ERG: variants seen among roughly 807,000 people sequenced by gnomAD.
ERG encodes ETS transcription factor ERG.
ERG carries 9 observed loss-of-function variants against 55.3 expected under a neutral mutation model. The ratio of observed to expected loss-of-function variants is 0.16; its 90% confidence interval spans 0.10 to 0.28. The LOEUF (loss-of-function observed/expected upper bound fraction) is 0.28, where lower values mean the gene tolerates loss of function less well. ERG is among the 10% of genes least tolerant of loss of function. The pLI is 1.00. For synonymous variants in ERG, 223 were observed against 237.3 expected (o/e 0.94, Z 0.55); for missense variants, 434 against 631.6 (o/e 0.69, Z 3.35).
At chr21:38,444,581 C>G (rs930487223) in intron 2 of ERG, among the ~76,000 whole-genome samples, 1 of 152,062 alleles carries the variant, frequency 6.6e-6, no homozygotes, top group Non-Finnish European at 1.5e-5. Context: ...CAAAACTACA[C>G]AGAATTCAAC....
At chr21:38,547,380 T>C (rs1397195928) in intron 2 of ERG, among the ~76,000 whole-genome samples, 1 of 152,186 alleles carries the variant, frequency 6.6e-6, no homozygotes, top group East Asian at 1.9e-4. Context: ...TGTTTGACCA[T>C]ATGGATATTT....
At chr21:38,407,094 C>T (rs760443649) in intron 3 of ERG, among the ~76,000 whole-genome samples, 13 of 152,124 alleles carry the variant, frequency 8.5e-5, no homozygotes, top group Admixed American at 1.3e-4. Context: ...TACAATCAAA[C>T]GTCTTTAAAT....
intron 2 of ERG, among the ~76,000 whole-genome samples, chr21:38,550,810 C>T (rs532025088): frequency 6.6e-6 from 1 of 152,070 alleles, no homozygotes; most frequent in Admixed American, 6.5e-5. Context: ...AAATGGGACT[C>T]GGGTTCACAC....
At chr21:38,394,942 A>T (rs1988137302) in intron 6 of ERG, among the ~76,000 whole-genome samples, 1 of 152,186 alleles carries the variant, frequency 6.6e-6, no homozygotes, top group Non-Finnish European at 1.5e-5. Flanking sequence ...TGGGAAAAAA[A>T]ATAAATGCCG....
Position 38,544,152 on chromosome 21 carries a change from C to T in ERG, c.-41+31510G>A, listed in dbSNP as rs80317028. 4.1e-3 allele frequency among the ~76,000 whole-genome samples: 623 copies of T among 152,216 alleles called. 4 individuals carry two copies. The highest frequency in any genetic ancestry group is 0.014 in the African/African-American group (575 of 41,528). On this transcript the variant is annotated intron_variant, in intron 2 of 8. Transcript: ENST00000398897. The stretch of plus-strand genomic sequence containing the variant: ...ATGATGGGTAGAACATTCCGGATTG[C>T]GGGAGCAGCAAGTGCAAAGGCCCTG...
intron 2 of ERG, among the ~76,000 whole-genome samples, chr21:38,536,812 G>A (rs903353650): frequency 1.3e-5 from 2 of 152,172 alleles, no homozygotes; most frequent in African/African-American, 4.8e-5. Flanking sequence ...CTTTTTGCAA[G>A]TTAAGTCTTC....
At chr21:38,544,213 G>T (rs1478129973) in intron 2 of ERG, among the ~76,000 whole-genome samples, 1 of 152,232 alleles carries the variant, frequency 6.6e-6, no homozygotes, top group Non-Finnish European at 1.5e-5. Context: ...TGTGGGCAGA[G>T]CAGAAAGAAC....
intron 1 of ERG, among the ~76,000 whole-genome samples, chr21:38,625,115 T>C (rs1234639931): frequency 2.6e-5 from 4 of 152,200 alleles, no homozygotes; most frequent in Non-Finnish European, 4.4e-5. Flanking sequence ...TGAGAATTTT[T>C]TTTTAGAGCA....
At chr21:38,386,012 A>G (rs563168167) in intron 9 of ERG, among the ~76,000 whole-genome samples, 322 of 152,298 alleles carry the variant, frequency 2.1e-3, no homozygotes, top group African/African-American at 6.5e-3. Context: ...AATCTACTCA[A>G]ACCTTGGCAT....
chr21:38,482,664 C>T (rs2059248469), intron 1 of ERG, among the ~76,000 whole-genome samples: 1 of 150,998 alleles, frequency 6.6e-6, no homozygotes, highest in African/African-American at 2.4e-5. Flanking sequence ...TGGATATATA[C>T]AACGGAATAT....
At chr21:38,378,639 C>T (rs1008677452), downstream of ERG, among the ~76,000 whole-genome samples, 2 of 152,124 alleles carry the variant, frequency 1.3e-5, no homozygotes, top group African/African-American at 4.8e-5. Flanking sequence ...CTTGTCTCTC[C>T]CCACTGAACC....
chr21:38,488,985 TA>T (rs2059312054), intron 1 of ERG, among the ~76,000 whole-genome samples: 1 of 152,248 alleles, frequency 6.6e-6, no homozygotes, highest in Non-Finnish European at 1.5e-5. Context: ...GCAACAAGCT[TA>T]TTCCCCTTGG....
At chr21:38,538,494 C>T (rs2059728057) in intron 2 of ERG, among the ~76,000 whole-genome samples, 1 of 151,980 alleles carries the variant, frequency 6.6e-6, no homozygotes, top group Non-Finnish European at 1.5e-5. Flanking sequence ...GAGTAATGGG[C>T]TTCCATCTAG....
chr21:38,432,442 C>G (rs1051694077), intron 2 of ERG, among the ~76,000 whole-genome samples: 1 of 152,190 alleles, frequency 6.6e-6, no homozygotes, highest in Non-Finnish European at 1.5e-5. Flanking sequence ...TAAATAGGGT[C>G]ATGTTTATGT....
At chr21:38,568,234 T>C (rs1397284111) in intron 2 of ERG, among the ~76,000 whole-genome samples, 2 of 145,856 alleles carry the variant, frequency 1.4e-5, no homozygotes, top group Non-Finnish European at 3.0e-5. Context: ...AGATTAATAA[T>C]ATGCTATATT....
chr21:38,534,169 C>T (rs937321030), intron 2 of ERG, among the ~76,000 whole-genome samples: 1 of 152,174 alleles, frequency 6.6e-6, no homozygotes, highest in African/African-American at 2.4e-5. Flanking sequence ...TAAGGGTCTG[C>T]TCTGAGCTTC....
chr21:38,615,019 G>A lies in ERG; in HGVS notation c.-149-30074C>T, dbSNP rs188056224. On this transcript the variant is annotated intron_variant, in intron 1 of 10. Transcript: ENST00000398910. ...TAAGGCAAAGATTACATCACTGCCT[G>A]AGATACCCAAATCCCATCCCAAGCA... 1.2e-3 allele frequency among the ~76,000 whole-genome samples: 190 copies of A among 152,316 alleles called. No homozygotes were observed. The Middle Eastern group carries it at 0.024, about 19-fold the overall frequency.
intron 2 of ERG, among the ~76,000 whole-genome samples, chr21:38,513,581 C>T (rs1386067723): frequency 6.6e-6 from 1 of 152,154 alleles, no homozygotes; most frequent in African/African-American, 2.4e-5. Context: ...TTTTATGGCA[C>T]TGCATAAAGA....
intron 3 of ERG, among the ~76,000 whole-genome samples, chr21:38,413,691 T>A (rs752194413): frequency 5.3e-5 from 8 of 151,808 alleles, no homozygotes; most frequent in Non-Finnish European, 1.2e-4. Context: ...ATCTTGTTTT[T>A]GGATAATGAT....
Sources: allele counts gnomAD v4.1 joint callset (sites outside exome capture counted in the v4.1 genomes callset), GRCh38; gene constraint gnomAD v4.1.1; transcripts MANE v1.5; gene names NCBI Gene and HGNC (gene_info 2026-07-23, HGNC 2026-07-21).